Variants in PDE3A observed in about 807,000 individuals in gnomAD.
The protein encoded by PDE3A is phosphodiesterase 3A, also known as cGMP-inhibited 3',5'-cyclic phosphodiesterase 3A.
In PDE3A, 43 loss-of-function variants were observed where a neutral mutation model predicts 98.3. That is an observed-to-expected ratio of 0.44 (90% confidence interval 0.34 to 0.56). The LOEUF (loss-of-function observed/expected upper bound fraction) is 0.56, where lower values mean the gene tolerates loss of function less well. Among genes scored for constraint, PDE3A ranks in the 20% least tolerant of loss-of-function variants. The pLI is 0.01. For synonymous variants in PDE3A, 663 were observed against 567.9 expected, an observed-to-expected ratio of 1.17 and a Z score of -2.38; for missense variants, 1,427 against 1,440.7, an observed-to-expected ratio of 0.99 and a Z score of 0.15.
At chr12:20,472,278 A>G (rs1945451796) in intron 1 of PDE3A, among the ~76,000 whole-genome samples, 1 of 152,184 alleles carries the variant, frequency 6.6e-6, no homozygotes, top group Admixed American at 6.6e-5. Context: ...CTAGCCAACT[A>G]CTTGCATATT....
chr12:20,628,607 A>G (rs868312143), intron 5 of PDE3A, among the ~76,000 whole-genome samples: 1 of 152,136 alleles, frequency 6.6e-6, no homozygotes, highest in Non-Finnish European at 1.5e-5. Context: ...TTTGCTTAGT[A>G]TAAAGGCTGG....
chr12:20,639,827 G>T lies in PDE3A; in HGVS notation c.2140-19G>T, dbSNP rs116082505. The T allele has an allele frequency of 1.4e-3, 1,533 of 1,113,270 alleles. 15 individuals carry two copies. In the African/African-American group the frequency reaches 0.021, roughly 15 times the overall value. The allele number at this position is 1,113,270 out of a possible 1,614,324, so 69.0% of individuals were successfully genotyped here. On this transcript the variant is annotated intron_variant, in intron 9 of 15. Coordinates refer to ENST00000359062, the MANE Select transcript of PDE3A (RefSeq NM_000921.5). Reference sequence around the variant, plus strand: ...CATACACATAGGGATGTTTCATAAGGCTTTGTCTTCTTTTACAGGTATCTT... The same window carrying T: ...CATACACATAGGGATGTTTCATAAGTCTTTGTCTTCTTTTACAGGTATCTT...
chr12:20,645,830 C>A (rs1036868930), intron 10 of PDE3A, among the ~76,000 whole-genome samples: 5 of 152,064 alleles, frequency 3.3e-5, no homozygotes, highest in African/African-American at 1.2e-4. Flanking sequence ...GGTTTTAACT[C>A]TTCTAAATGG....
chr12:20,554,117 G>T (rs1345164096), intron 1 of PDE3A, among the ~76,000 whole-genome samples: 3 of 150,250 alleles, frequency 2.0e-5, no homozygotes, highest in East Asian at 2.0e-4. Flanking sequence ...TTTTGAAAGG[G>T]TTTGTTAATT....
rs375941509 is a variant in PDE3A, at chr12:20,422,143, G to C, written c.960+51899G>C. On this transcript the variant is annotated intron_variant, in intron 1 of 15. Transcript: ENST00000359062. Reference sequence around the variant, plus strand: ...GGGCGGATCACTAGGTCAGGAGATCGAGACCATCCTGGCTAACACGGTGAA... The same window carrying C: ...GGGCGGATCACTAGGTCAGGAGATCCAGACCATCCTGGCTAACACGGTGAA... Among the ~76,000 whole-genome samples, 25 of 152,206 alleles carry C rather than the reference G, an allele frequency of 1.6e-4. 1 individual carries two copies. Among genetic ancestry groups the C allele is most frequent in the Admixed American group, 1.6e-3 (25 of 15,294 alleles).
rs949981053 is a variant in PDE3A at position 20,553,115 on chromosome 12, T to C, written c.961-3545T>C. ...TGGGCTTAACTTAAACAGGTAGTGT[T>C]TCCTCCGTTCCCTAAAAAGGTTTGT... On this transcript the variant is annotated intron_variant, in intron 1 of 15. Transcript: ENST00000359062. 6 of 778,618 alleles carry C rather than the reference T, an allele frequency of 7.7e-6. No homozygotes were observed. The African/African-American group carries it at 8.8e-5, about 11-fold the overall frequency. The allele number at this position is 778,618 out of a possible 1,614,324, so 48.2% of individuals were successfully genotyped here.
chr12:20,487,988 A>G (rs914532332), intron 1 of PDE3A, among the ~76,000 whole-genome samples: 2 of 152,222 alleles, frequency 1.3e-5, no homozygotes, highest in African/African-American at 2.4e-5. Flanking sequence ...TAGAGCAAAT[A>G]TAATTAAAAA....
chr12:20,400,052 C>T (rs1307202845), intron 1 of PDE3A, among the ~76,000 whole-genome samples: 6 of 152,086 alleles, frequency 3.9e-5, no homozygotes, highest in African/African-American at 1.4e-4. Context: ...TTAGCCCTGT[C>T]GTGTTTTCTT....
intron 2 of PDE3A, among the ~76,000 whole-genome samples, chr12:20,609,073 G>A: frequency 6.6e-6 from 1 of 151,952 alleles, no homozygotes; most frequent in East Asian, 1.9e-4. Flanking sequence ...TTCTAAAAGG[G>A]AATGTTAGCT....
intron 12 of PDE3A, among the ~76,000 whole-genome samples, chr12:20,647,423 G>A (rs531607572): frequency 0.021 from 834 of 39,396 alleles, 1 homozygote; most frequent in Non-Finnish European, 0.04. Context: ...TTCATTGGAG[G>A]ATTTTTTATT....
At chr12:20,659,885 T>C (rs1238947928) in intron 15 of PDE3A, among the ~76,000 whole-genome samples, 1 of 152,222 alleles carries the variant, frequency 6.6e-6, no homozygotes, top group Non-Finnish European at 1.5e-5. Context: ...AAATTATTCA[T>C]TTAGTAAACT....
At chr12:20,663,109 A>G (rs746775248) in intron 15 of PDE3A, among the ~76,000 whole-genome samples, 1 of 152,198 alleles carries the variant, frequency 6.6e-6, no homozygotes. Context: ...AGCCTTGGCA[A>G]CTTCCATATC....
At chr12:20,673,794 C>T (rs1197726669) in intron 15 of PDE3A, among the ~76,000 whole-genome samples, 1 of 150,158 alleles carries the variant, frequency 6.7e-6, no homozygotes, top group Non-Finnish European at 1.5e-5. Context: ...CACATGTATA[C>T]ATATGTAACT....
At chr12:20,597,438 G>GCTAT (rs1365353628) in intron 2 of PDE3A, among the ~76,000 whole-genome samples, 1 of 152,140 alleles carries the variant, frequency 6.6e-6, no homozygotes, top group Non-Finnish European at 1.5e-5. Flanking sequence ...AAGTATGTTT[G>GCTAT]CTATCTGTCT....
intron 1 of PDE3A, among the ~76,000 whole-genome samples, chr12:20,429,018 C>G (rs1203534463): frequency 1.3e-5 from 2 of 152,176 alleles, no homozygotes; most frequent in Non-Finnish European, 2.9e-5. Context: ...TCTTCATTTA[C>G]TGAGAAAATT....
chr12:20,540,582 C>T (rs1004144500), intron 1 of PDE3A, among the ~76,000 whole-genome samples: 38 of 151,978 alleles, frequency 2.5e-4, no homozygotes, highest in African/African-American at 9.2e-4. Context: ...GGAAAATCAC[C>T]CTATTACTCC....
At chr12:20,611,257 G>A (rs543592198) in intron 2 of PDE3A, among the ~76,000 whole-genome samples, 44 of 151,788 alleles carry the variant, frequency 2.9e-4, no homozygotes, top group African/African-American at 1.0e-3. Context: ...TATGACATAT[G>A]CATGACTATG....
chr12:20,563,985 G>A (rs1942594086), intron 2 of PDE3A, among the ~76,000 whole-genome samples: 1 of 152,114 alleles, frequency 6.6e-6, no homozygotes, highest in Non-Finnish European at 1.5e-5. Context: ...GCAAGACACA[G>A]TTTTTAGCAA....
intron 1 of PDE3A, among the ~76,000 whole-genome samples, chr12:20,410,549 C>T (rs186404392): frequency 2.6e-5 from 4 of 152,216 alleles, no homozygotes; most frequent in Non-Finnish European, 2.9e-5. Context: ...TAACCACCTC[C>T]GTCAGCTACC....
Sources: gnomAD v4.1 joint callset for allele counts (sites outside exome capture counted in the v4.1 genomes callset) on GRCh38, gnomAD v4.1.1 for gene constraint, MANE v1.5 for transcripts, NCBI Gene and HGNC (gene_info 2026-07-23, HGNC 2026-07-21) for gene names.